Variants in CCDC148 observed in about 807,000 individuals in gnomAD.
CCDC148 encodes coiled-coil domain-containing protein 148.
Under a neutral mutation model 85.7 loss-of-function variants are expected in CCDC148, and 89 were observed. The ratio of observed to expected loss-of-function variants is 1.04; its 90% confidence interval spans 0.87 to 1.24. The LOEUF (loss-of-function observed/expected upper bound fraction) is 1.24. Among genes scored for constraint, CCDC148 ranks in the 50% most tolerant of loss-of-function variants. The pLI, the probability that CCDC148 is intolerant of heterozygous loss-of-function variation, is 0.00. For synonymous variants in CCDC148, 230 were observed against 213.9 expected (o/e 1.08, Z -0.66); for missense variants, 692 against 671.7 (o/e 1.03, Z -0.33).
chr2:158,229,058 G>T (rs1039149988), intron 10 of CCDC148, among the ~76,000 whole-genome samples: 1 of 151,366 alleles, frequency 6.6e-6, no homozygotes, highest in Non-Finnish European at 1.5e-5. Flanking sequence ...CTGTCTGAAT[G>T]CCCTTCCAAC....
At chr2:158,225,396 C>T (rs924195823) in intron 10 of CCDC148, among the ~76,000 whole-genome samples, 5 of 152,006 alleles carry the variant, frequency 3.3e-5, no homozygotes, top group East Asian at 3.9e-4. Flanking sequence ...GACAGATCAA[C>T]GAGACAGAAA....
chr2:158,375,792 T>C (rs1355407979), intron 1 of CCDC148, among the ~76,000 whole-genome samples: 1 of 152,154 alleles, frequency 6.6e-6, no homozygotes, highest in African/African-American at 2.4e-5. Flanking sequence ...CCTTTCTCCT[T>C]TCTTCCTGCA....
At chr2:158,201,272 T>C (rs1387703875) in intron 11 of CCDC148, among the ~76,000 whole-genome samples, 1 of 152,240 alleles carries the variant, frequency 6.6e-6, no homozygotes, top group East Asian at 1.9e-4. Context: ...TCAATTTATA[T>C]GTAAATATTT....
intron 1 of CCDC148, among the ~76,000 whole-genome samples, chr2:158,447,694 A>G (rs1688217360): frequency 6.6e-6 from 1 of 152,026 alleles, no homozygotes; most frequent in African/African-American, 2.4e-5. Flanking sequence ...TCATTTGTAT[A>G]CCTTTTTGGT....
At chr2:158,318,620 T>TC (rs1692389446) in intron 7 of CCDC148, among the ~76,000 whole-genome samples, 1 of 152,174 alleles carries the variant, frequency 6.6e-6, no homozygotes, top group Non-Finnish European at 1.5e-5. Flanking sequence ...AAGCTCATTT[T>TC]TTTTTTTTAC....
rs762257775 is a variant in CCDC148, at chr2:158,358,572, T to C, written c.26-2A>G. 7.8e-6 allele frequency: 12 copies of C among 1,541,708 alleles called. No homozygotes were observed. The South Asian group carries it at 1.5e-4, about 19-fold the overall frequency. ...TTTTCATATGGAATACCAGATTATC[T>C]ATTAGTCATAAAAATAGAAAAATGA... On this transcript the variant is annotated splice_acceptor_variant, in intron 1 of 13. Transcript: ENST00000283233. LOFTEE classifies it high-confidence loss of function.
chr2:158,230,530 A>G (rs1316911050), intron 10 of CCDC148, among the ~76,000 whole-genome samples: 2 of 152,174 alleles, frequency 1.3e-5, no homozygotes, highest in Non-Finnish European at 1.5e-5. Context: ...AGCAGGTGGC[A>G]TAGGTTAAGA....
chr2:158,294,016 CCTTCCT>C, intron 9 of CCDC148, among the ~76,000 whole-genome samples: 1 of 15,844 alleles, frequency 6.3e-5, no homozygotes, highest in South Asian at 6.1e-3. Flanking sequence ...TTCCTTCCTT[CCTTCCT>C]TCCTTCCTTC....
At chr2:158,191,121 G>A (rs1685404648) in intron 11 of CCDC148, among the ~76,000 whole-genome samples, 2 of 151,904 alleles carry the variant, frequency 1.3e-5, no homozygotes, top group Non-Finnish European at 2.9e-5. Context: ...ATGGAACTGG[G>A]TTCCCTTCTT....
chr2:158,334,302 A>C (rs1693308737), intron 7 of CCDC148, among the ~76,000 whole-genome samples: 1 of 152,028 alleles, frequency 6.6e-6, no homozygotes, highest in Non-Finnish European at 1.5e-5. Flanking sequence ...CTGTCTCTCC[A>C]ATTTTGGGGG....
At chr2:158,256,837 A>G (rs1170248533) in intron 9 of CCDC148, among the ~76,000 whole-genome samples, 1 of 151,656 alleles carries the variant, frequency 6.6e-6, no homozygotes, top group East Asian at 1.9e-4. Context: ...ATACCTCTCT[A>G]CTTCTCTAGC....
chr2:158,445,682 C>T (rs189911947), intron 1 of CCDC148, among the ~76,000 whole-genome samples: 115 of 152,244 alleles, frequency 7.6e-4, no homozygotes, highest in African/African-American at 2.6e-3. Flanking sequence ...GTCTCATTCA[C>T]ACATCTCTGT....
intron 1 of CCDC148, among the ~76,000 whole-genome samples, chr2:158,362,276 T>C (rs568023856): frequency 6.6e-6 from 1 of 152,102 alleles, no homozygotes; most frequent in South Asian, 2.1e-4. Flanking sequence ...GAAAGAAAAT[T>C]AACAAGGATA....
intron 1 of CCDC148, among the ~76,000 whole-genome samples, chr2:158,415,046 T>C (rs1686433872): frequency 6.6e-6 from 1 of 151,978 alleles, no homozygotes; most frequent in Admixed American, 6.6e-5. Context: ...AGGTAATAAA[T>C]TTGAGTCCAT....
chr2:158,313,292 T>G (rs1294321627), intron 8 of CCDC148, among the ~76,000 whole-genome samples: 1 of 152,218 alleles, frequency 6.6e-6, no homozygotes, highest in Non-Finnish European at 1.5e-5. Flanking sequence ...AGAGTTGTTG[T>G]GGTGGGGAAG....
chr2:158,342,950 T>C (rs910170113), intron 3 of CCDC148, among the ~76,000 whole-genome samples: 3 of 152,144 alleles, frequency 2.0e-5, no homozygotes, highest in African/African-American at 4.8e-5. Context: ...CATTTGAAAA[T>C]TTTGTCTAGT....
chr2:158,305,719 A>G (rs1345750339), intron 9 of CCDC148, among the ~76,000 whole-genome samples: 11 of 148,506 alleles, frequency 7.4e-5, no homozygotes, highest in Non-Finnish European at 5.9e-5. Flanking sequence ...GCATCACCAC[A>G]TTCCAGCCTG....
intron 12 of CCDC148, among the ~76,000 whole-genome samples, chr2:158,177,129 G>A (rs1211797233): frequency 6.6e-6 from 1 of 151,710 alleles, no homozygotes; most frequent in Non-Finnish European, 1.5e-5. Context: ...ATAATTCTTG[G>A]GTCAAGTGTG....
At chr2:158,274,609 C>G (rs1441110111) in intron 9 of CCDC148, among the ~76,000 whole-genome samples, 1 of 152,092 alleles carries the variant, frequency 6.6e-6, no homozygotes, top group African/African-American at 2.4e-5. Context: ...AACTATATTT[C>G]CTATGGATTT....
Sources: allele counts gnomAD v4.1 joint callset (sites outside exome capture counted in the v4.1 genomes callset), GRCh38; gene constraint gnomAD v4.1.1; transcripts MANE v1.5; gene names NCBI Gene and HGNC (gene_info 2026-07-23, HGNC 2026-07-21).